Variants in CPEB3 observed in about 807,000 individuals in gnomAD.
CPEB3 encodes the protein cytoplasmic polyadenylation element binding protein 3.
CPEB3 carries 20 observed loss-of-function variants against 67.2 expected under a neutral mutation model. The observed-to-expected ratio is 0.30, with a 90% confidence interval of 0.21 to 0.43. The LOEUF is 0.43. CPEB3 is among the 20% of genes least tolerant of loss of function. CPEB3 has a pLI of 1.00. For synonymous variants in CPEB3, 376 were observed against 393.1 expected (o/e 0.96, Z 0.51); for missense variants, 746 against 968.6 (o/e 0.77, Z 3.05).
At chr10:92,080,517 C>T (rs1221561970) in intron 9 of CPEB3, among the ~76,000 whole-genome samples, 1 of 151,958 alleles carries the variant, frequency 6.6e-6, no homozygotes. Flanking sequence ...GCAGGAGAAA[C>T]AGAATGAGTT....
At chr10:92,167,499 G>T (rs1358931901) in intron 4 of CPEB3, among the ~76,000 whole-genome samples, 1 of 152,212 alleles carries the variant, frequency 6.6e-6, no homozygotes, top group South Asian at 2.1e-4. Flanking sequence ...AAGGCCCAAG[G>T]AGAGGGAGAG....
intron 3 of CPEB3, among the ~76,000 whole-genome samples, chr10:92,188,121 G>T (rs1195462311): frequency 1.3e-5 from 2 of 151,918 alleles, no homozygotes; most frequent in East Asian, 3.9e-4. Flanking sequence ...GCTTGAGCCT[G>T]GGAGGTCAAG....
At chr10:92,053,497 G>A (rs1310528429) in intron 9 of CPEB3, among the ~76,000 whole-genome samples, 1 of 150,842 alleles carries the variant, frequency 6.6e-6, no homozygotes, top group East Asian at 1.9e-4. Context: ...GCGAGTAGCT[G>A]GGATTACAGG....
upstream of CPEB3, chr10:92,291,202 C>T (rs943319837): frequency 2.2e-4 from 111 of 512,176 alleles, no homozygotes; most frequent in Middle Eastern, 1.5e-3. Flanking sequence ...GGCAGCAACT[C>T]GGCGCCCGCG....
rs1852148209 is a variant in CPEB3 at position 92,047,509 on chromosome 10, T to C, written c.*4703A>G. On this transcript the variant is annotated 3_prime_UTR_variant, in exon 10 of 10. Coordinates refer to ENST00000265997, the MANE Select transcript of CPEB3 (RefSeq NM_014912.5). Reference sequence around the variant, plus strand: ...ATGAAAACTAGCAGTTATTTGCTAATTGCATAAATGCAGTACATTCTGCAT... The same window carrying C: ...ATGAAAACTAGCAGTTATTTGCTAACTGCATAAATGCAGTACATTCTGCAT... 6.6e-6 allele frequency: 1 copy of C among 152,252 alleles called. No individual in the cohort carries two copies. The highest frequency in any genetic ancestry group is 2.4e-5 in the African/African-American group (1 of 41,470). 9.4% of individuals were successfully genotyped at this position (152,252 alleles called of 1,614,324 possible).
intron 1 of CPEB3, among the ~76,000 whole-genome samples, chr10:92,269,914 G>A (rs549040522): frequency 3.9e-4 from 59 of 151,690 alleles, no homozygotes; most frequent in African/African-American, 1.4e-3. Flanking sequence ...GGTCTCCTTC[G>A]GTGATACGAC....
chr10:92,111,188 G>A lies in CPEB3; in HGVS notation c.1460C>T (p.Ala487Val). The A allele has an allele frequency of 6.2e-7, 1 of 1,609,298 alleles. No individual in the cohort carries two copies. Among genetic ancestry groups the A allele is most frequent in the Non-Finnish European group, 8.5e-7 (1 of 1,175,694 alleles). ...GCTTTCCTCTTGGAACAGCAGAAAGGCATAGCCTTGGGGAGAGCAAAAACA... is the reference window on the plus strand; with the variant it reads ...GCTTTCCTCTTGGAACAGCAGAAAGACATAGCCTTGGGGAGAGCAAAAACA... ...SKSYFPPKGY[A>V]FLLFQEESSV... The change falls in exon 7 of 10, where the codon GCC becomes GTC. Residue 487 changes from alanine to valine, a missense_variant. Ala to Val is a moderately conservative substitution (Grantham distance 64). Coordinates refer to ENST00000265997, the MANE Select transcript of CPEB3 (RefSeq NM_014912.5).
chr10:92,118,643 G>A, intron 6 of CPEB3: 2 of 583,154 alleles, frequency 3.4e-6, no homozygotes, highest in South Asian at 1.7e-5. Context: ...ACAACTGAAT[G>A]TGGAACCCAA....
At chr10:92,060,808 A>G (rs1842312523) in intron 9 of CPEB3, among the ~76,000 whole-genome samples, 2 of 152,200 alleles carry the variant, frequency 1.3e-5, no homozygotes, top group South Asian at 2.1e-4. Context: ...CAAAACCACA[A>G]TGAGATATCA....
chr10:92,184,950 T>A (rs1315620918), intron 3 of CPEB3, among the ~76,000 whole-genome samples: 1 of 152,218 alleles, frequency 6.6e-6, no homozygotes, highest in Non-Finnish European at 1.5e-5. Context: ...CATAATTTTT[T>A]AACTTAATAC....
At chr10:92,213,449 A>G (rs1438389112) in intron 2 of CPEB3, among the ~76,000 whole-genome samples, 3 of 152,224 alleles carry the variant, frequency 2.0e-5, no homozygotes, top group Non-Finnish European at 4.4e-5. Context: ...TGTTCTGTCT[A>G]ATGATTTAAA....
At chr10:92,232,289 A>C (rs868759830) in intron 2 of CPEB3, among the ~76,000 whole-genome samples, 1 of 151,680 alleles carries the variant, frequency 6.6e-6, no homozygotes, top group Admixed American at 6.6e-5. Context: ...TCCTGACCTC[A>C]GGTGATACAC....
intron 1 of CPEB3, among the ~76,000 whole-genome samples, chr10:92,280,021 G>C (rs1842188618): frequency 6.6e-6 from 1 of 151,636 alleles, no homozygotes; most frequent in South Asian, 2.1e-4. Context: ...AAAAAAGAAA[G>C]AAAGAGAGAA....
intron 1 of CPEB3, among the ~76,000 whole-genome samples, chr10:92,261,231 T>C (rs1852785903): frequency 6.6e-6 from 1 of 152,212 alleles, no homozygotes; most frequent in African/African-American, 2.4e-5. Flanking sequence ...TTCACCTTTA[T>C]TATCTCACTT....
intron 4 of CPEB3, among the ~76,000 whole-genome samples, chr10:92,168,788 G>GC (rs1847865494): frequency 7.1e-6 from 1 of 140,038 alleles, no homozygotes; most frequent in South Asian, 2.2e-4. Context: ...TAAACCTCTT[G>GC]CCCTTTTTTT....
At chr10:92,181,367 C>CAAAAAAAAAAA (rs55896574) in intron 3 of CPEB3, among the ~76,000 whole-genome samples, 8 of 95,400 alleles carry the variant, frequency 8.4e-5, no homozygotes, top group Non-Finnish European at 1.2e-4. Context: ...ATTCAAGCAG[C>CAAAAAAAAAAA]AAAAAAAAAA....
At chr10:92,127,601 C>A (rs1338304295) in intron 6 of CPEB3, among the ~76,000 whole-genome samples, 1 of 152,040 alleles carries the variant, frequency 6.6e-6, no homozygotes, top group Non-Finnish European at 1.5e-5. Context: ...ATAGCTTGAG[C>A]CTAGGAGGTG....
intron 7 of CPEB3, among the ~76,000 whole-genome samples, chr10:92,095,745 TA>T (rs1843842555): frequency 6.6e-6 from 1 of 151,684 alleles, no homozygotes; most frequent in South Asian, 2.1e-4. Flanking sequence ...TTTGTTTCTT[TA>T]ATAATTATTT....
At chr10:92,224,547 C>G (rs1174954140) in intron 2 of CPEB3, among the ~76,000 whole-genome samples, 1 of 151,814 alleles carries the variant, frequency 6.6e-6, no homozygotes, top group African/African-American at 2.4e-5. Flanking sequence ...TGTACACAAC[C>G]TAGTCCCTCT....
Sources: gnomAD v4.1 joint callset for allele counts (sites outside exome capture counted in the v4.1 genomes callset) on GRCh38, gnomAD v4.1.1 for gene constraint, MANE v1.5 for transcripts, NCBI Gene and HGNC (gene_info 2026-07-23, HGNC 2026-07-21) for gene names.